The following STARD13 variants were observed in gnomAD, a reference collection of about 807,000 sequenced individuals.
STARD13 encodes the protein StAR related lipid transfer domain containing 13.
In STARD13, 62 loss-of-function variants were observed where a neutral mutation model predicts 106.4. The ratio of observed to expected loss-of-function variants is 0.58; its 90% CI spans 0.48 to 0.72. The LOEUF (loss-of-function observed/expected upper bound fraction) is 0.72. Ranked by LOEUF, STARD13 falls within the 30% of genes least tolerant of loss-of-function variation. The pLI, the probability that STARD13 is intolerant of heterozygous loss-of-function variation, is 0.00. For synonymous variants in STARD13, 565 were observed against 553.0 expected, an observed-to-expected ratio of 1.02 and a Z score of -0.31; for missense variants, 1,387 against 1,424.0, an observed-to-expected ratio of 0.97 and a Z score of 0.42.
chr13:33,667,129 G>T, the STARD13 span, among the ~76,000 whole-genome samples: 1 of 152,250 alleles, frequency 6.6e-6, no homozygotes, highest in East Asian at 1.9e-4. Flanking sequence ...TGACCACATT[G>T]TTCATTCTTG....
intron 1 of STARD13, among the ~76,000 whole-genome samples, chr13:33,181,267 T>C (rs3021165): frequency 2.8e-5 from 4 of 142,312 alleles, no homozygotes; most frequent in East Asian, 3.9e-4. Flanking sequence ...CACTCACACA[T>C]ACATACACAC....
At position 33,129,393 on chromosome 13, in the gene STARD13, G is replaced by A. The variant is rs753282413; in HGVS notation, c.1284C>T (p.Thr428=). ...TDSSNGVNWR[T]GSISLGREQV... is the part of the protein sequence containing the mutation. ...GCTCTCTGCCCAGGGAGATGCTACC[G>A]GTCCTCCAATTAACCCCATTGCTAC... The change falls in exon 5 of 14, where the codon ACC becomes ACT. Residue 428 remains threonine, a synonymous_variant. Transcript: ENST00000336934. 46 of 1,614,022 alleles carry A rather than the reference G, an allele frequency of 2.9e-5. 1 individual carries two copies. In the South Asian group the frequency reaches 3.3e-4, roughly 12 times the overall value.
chr13:33,163,686 T>TATATATATAACATATATATAAAAC lies in STARD13; in HGVS notation c.323+1650_323+1651insGTTTTATATATATGTTATATATAT, dbSNP rs1566038812. On this transcript the variant is annotated intron_variant, in intron 3 of 13. Coordinates refer to ENST00000336934, the MANE Select transcript of STARD13 (RefSeq NM_178006.4). The stretch of plus-strand genomic sequence containing the variant: ...ATATATATAACATATATATAAAACA[T>TATATATATAACATATATATAAAAC]ATATATATATAACATATATATAAAA... 2.9e-4 allele frequency among the ~76,000 whole-genome samples: 19 copies of TATATATATAACATATATATAAAAC among 64,852 alleles called. 1 individual carries two copies. The highest frequency in any genetic ancestry group is 5.6e-4 in the South Asian group (1 of 1,774). 42.5% of individuals were successfully genotyped at this position (64,852 alleles called of 152,430 possible).
At chr13:33,503,632 G>A in the STARD13 span, among the ~76,000 whole-genome samples, 10 of 152,112 alleles carry the variant, frequency 6.6e-5, no homozygotes, top group Middle Eastern at 0.01. Flanking sequence ...CCTTCATTTC[G>A]TTATGTACCC....
chr13:33,293,070 A>T (rs1022091660), intron 1 of STARD13, among the ~76,000 whole-genome samples: 1 of 152,274 alleles, frequency 6.6e-6, no homozygotes, highest in Non-Finnish European at 1.5e-5. Flanking sequence ...GCTCTTTCTC[A>T]GCCTCCAAGT....
chr13:33,188,614 T>G (rs1489913894), intron 1 of STARD13, among the ~76,000 whole-genome samples: 1 of 152,232 alleles, frequency 6.6e-6, no homozygotes, highest in African/African-American at 2.4e-5. Context: ...CACACTAAGA[T>G]AGTGAAACAG....
chr13:33,620,258 T>C, the STARD13 span, among the ~76,000 whole-genome samples: 15 of 151,600 alleles, frequency 9.9e-5, 1 homozygote, highest in South Asian at 6.3e-4. Flanking sequence ...TACCCAACAA[T>C]GCAGAATATG....
chr13:33,425,431 G>A, the STARD13 span, among the ~76,000 whole-genome samples: 33 of 152,188 alleles, frequency 2.2e-4, no homozygotes, highest in Non-Finnish European at 3.5e-4. Context: ...GAAGGGCCAG[G>A]GTGCTCTTTC....
At chr13:33,328,143 A>T (rs1204379086) in intron 1 of STARD13, among the ~76,000 whole-genome samples, 2 of 152,238 alleles carry the variant, frequency 1.3e-5, no homozygotes, top group African/African-American at 4.8e-5. Flanking sequence ...TGTTTTTCCA[A>T]TGATAACAAT....
chr13:33,443,260 C>A, the STARD13 span, among the ~76,000 whole-genome samples: 2 of 151,882 alleles, frequency 1.3e-5, no homozygotes, highest in East Asian at 1.9e-4. Flanking sequence ...GCCTGTAGTT[C>A]CAGCTACTCG....
chr13:33,575,002 T>C, the STARD13 span, among the ~76,000 whole-genome samples: 1 of 150,302 alleles, frequency 6.7e-6, no homozygotes, highest in Non-Finnish European at 1.5e-5. Flanking sequence ...CTGCAACCTC[T>C]GCCTCTCAGG....
At chr13:33,526,562 T>C in the STARD13 span, among the ~76,000 whole-genome samples, 1 of 151,654 alleles carries the variant, frequency 6.6e-6, no homozygotes, top group Non-Finnish European at 1.5e-5. Context: ...AGCAAAAGAG[T>C]AGTTAGGAAT....
intron 3 of STARD13, among the ~76,000 whole-genome samples, chr13:33,146,010 C>G (rs547763956): frequency 6.6e-6 from 1 of 152,006 alleles, no homozygotes; most frequent in South Asian, 2.1e-4. Context: ...CATGGAGAGG[C>G]CCTGTCGCTA....
chr13:33,157,328 A>T (rs1882101544), intron 3 of STARD13, among the ~76,000 whole-genome samples: 1 of 152,212 alleles, frequency 6.6e-6, no homozygotes, highest in African/African-American at 2.4e-5. Context: ...TATTTATTAA[A>T]AAACACAAAT....
the STARD13 span, among the ~76,000 whole-genome samples, chr13:33,546,456 C>T: frequency 1.3e-5 from 2 of 152,082 alleles, no homozygotes; most frequent in Admixed American, 1.3e-4. Flanking sequence ...CTTTGTCATT[C>T]ATTGGTAGTT....
At chr13:33,475,336 T>C in the STARD13 span, among the ~76,000 whole-genome samples, 1 of 152,150 alleles carries the variant, frequency 6.6e-6, no homozygotes, top group African/African-American at 2.4e-5. Flanking sequence ...GACAAAAATT[T>C]CTACTTATAT....
chr13:33,429,933 G>T, the STARD13 span, among the ~76,000 whole-genome samples: 4 of 148,484 alleles, frequency 2.7e-5, no homozygotes, highest in East Asian at 2.0e-4. Flanking sequence ...TTTTTGGGGG[G>T]GGGGGACGGA....
In STARD13 at chr13:33,129,015, A is replaced by G; in HGVS notation, c.1662T>C (p.Asp554=). Residue 554 remains aspartate, a synonymous_variant, in exon 5 of 14, where the codon GAT becomes GAC. Coordinates refer to ENST00000336934, the MANE Select transcript of STARD13 (RefSeq NM_178006.4). The part of the protein sequence containing the change: ...GRTTPSDVER[D]VTSLNESEPP... Reference sequence around the variant, plus strand: ...GCTCAGATTCATTAAGAGATGTTACATCTCTTTCCACATCACTGGGTGTCG... The same window carrying G: ...GCTCAGATTCATTAAGAGATGTTACGTCTCTTTCCACATCACTGGGTGTCG... 6.2e-7 allele frequency: 1 copy of G among 1,614,100 alleles called. No individual in the cohort carries two copies. The highest frequency in any genetic ancestry group is 8.5e-7 in the Non-Finnish European group (1 of 1,180,022).
chr13:33,339,047 T>C (rs984408531), intron 1 of STARD13, among the ~76,000 whole-genome samples: 5 of 152,162 alleles, frequency 3.3e-5, no homozygotes, highest in Admixed American at 2.6e-4. Context: ...TTGTCTTCAA[T>C]AATCCCTTAC....
Sources: allele counts gnomAD v4.1 joint callset (sites outside exome capture counted in the v4.1 genomes callset), GRCh38; gene constraint gnomAD v4.1.1; transcripts MANE v1.5; gene names NCBI Gene and HGNC (gene_info 2026-07-23, HGNC 2026-07-21).